Variants in YIPF7 observed in about 807,000 individuals in gnomAD.
YIPF7 encodes the protein protein YIPF7.
YIPF7 carries 35 observed loss-of-function variants against 27.2 expected under a neutral mutation model. That is an observed-to-expected ratio of 1.29 (90% CI 0.98 to 1.70). The LOEUF is 1.70. Among genes scored for constraint, YIPF7 ranks in the 40% most tolerant of loss-of-function variants. The pLI is 0.00. For synonymous variants in YIPF7, 137 were observed against 110.4 expected (o/e 1.24, Z -1.51); for missense variants, 358 against 303.7 (o/e 1.18, Z -1.33).
intron 2 of YIPF7, among the ~76,000 whole-genome samples, chr4:44,646,255 GACCTTAT>G (rs1256530393): frequency 6.6e-6 from 1 of 152,206 alleles, no homozygotes; most frequent in East Asian, 1.9e-4. Flanking sequence ...CCCTTGGTAA[GACCTTAT>G]CAAATAGGAT....
At position 44,622,237 on chromosome 4, in the gene YIPF7, C is replaced by T. The variant is rs1712466333; in HGVS notation, c.*177G>A. 4.0e-6 allele frequency: 3 copies of T among 750,388 alleles called. No homozygotes were observed. 46.5% of individuals were successfully genotyped at this position (750,388 alleles called of 1,614,324 possible). On this transcript the variant is annotated 3_prime_UTR_variant, in exon 6 of 6. Coordinates refer to ENST00000415895, the MANE Select transcript of YIPF7 (RefSeq NM_182592.3). The stretch of plus-strand genomic sequence containing the variant: ...TAATGCACCAAACTCAAAAGCAAAA[C>T]ATCATTCAAACCAACAGGCTATTAG...
chr4:44,629,330 T>A (rs1577733444), intron 4 of YIPF7, 73 bp downstream of exon 4: 24 of 1,389,086 alleles, frequency 1.7e-5, no homozygotes, highest in African/African-American at 1.2e-4. Flanking sequence ...TCTCTTATAT[T>A]TATACAGATT....
At chr4:44,653,255 C>A (rs1326890267), upstream of YIPF7, among the ~76,000 whole-genome samples, 1 of 151,950 alleles carries the variant, frequency 6.6e-6, no homozygotes, top group Non-Finnish European at 1.5e-5. Context: ...CAAAAAGGAG[C>A]CTGTAGGCCG....
chr4:44,637,286 T>C (rs567783164), intron 2 of YIPF7, among the ~76,000 whole-genome samples: 26 of 152,308 alleles, frequency 1.7e-4, no homozygotes, highest in African/African-American at 6.3e-4. Flanking sequence ...CTTGATAAAA[T>C]AGTCATTCTA....
At chr4:44,628,143 AAGAC>A (rs1712739792) in intron 4 of YIPF7, among the ~76,000 whole-genome samples, 1 of 152,148 alleles carries the variant, frequency 6.6e-6, no homozygotes. Flanking sequence ...TACTGTGACA[AAGAC>A]AGAAGAAGGG....
At chr4:44,660,450 T>A (rs933833013) in exon 2 of YIPF7, 1 of 152,074 alleles carries the variant, frequency 6.6e-6, no homozygotes, top group Non-Finnish European at 1.5e-5. Flanking sequence ...AATAAGTACC[T>A]GAGATTGTGA....
intron 2 of YIPF7, among the ~76,000 whole-genome samples, chr4:44,638,310 A>C (rs1713209097): frequency 6.6e-6 from 1 of 150,758 alleles, no homozygotes; most frequent in African/African-American, 2.4e-5. Context: ...GAGCTGGACT[A>C]GGCAAGCTTG....
In YIPF7 at chr4:44,635,906, C is replaced by A. The variant is rs1484076263; in HGVS notation, c.280+16G>T. The A allele has an allele frequency of 1.2e-6, 2 of 1,612,788 alleles. No homozygotes were observed. Among genetic ancestry groups the A allele is most frequent in the Non-Finnish European group, 1.7e-6 (2 of 1,179,292 alleles). ...CTTCTAGCTGTACACACATTAATAA[C>A]ACTTCCTTAACTTATCTTCTAGCAA... On this transcript the variant is annotated intron_variant, in intron 3 of 5. Transcript: ENST00000415895.
chr4:44,661,901 G>A lies in YIPF7; in HGVS notation c.-171-1283C>T, dbSNP rs1714049258. On this transcript the variant is annotated intron_variant, in intron 1 of 2. Transcript: ENST00000508947. Reference sequence around the variant, plus strand: ...TGGTTTTTATCTGTCACCATCTCTAGCCAGCAGATAGAGTTCTTGGTTCAA... The same window carrying A: ...TGGTTTTTATCTGTCACCATCTCTAACCAGCAGATAGAGTTCTTGGTTCAA... 3.9e-5 allele frequency among the ~76,000 whole-genome samples: 6 copies of A among 152,324 alleles called. No homozygotes were observed. The South Asian group carries it at 1.0e-3, about 26-fold the overall frequency.
chr4:44,659,245 G>A (rs1038572324), intron 2 of YIPF7, among the ~76,000 whole-genome samples: 1 of 151,540 alleles, frequency 6.6e-6, no homozygotes, highest in East Asian at 1.9e-4. Context: ...ACTTAAGCTT[G>A]CCCTTACAAT....
intron 2 of YIPF7, among the ~76,000 whole-genome samples, chr4:44,642,848 T>C (rs181571532): frequency 7.9e-4 from 121 of 152,342 alleles, no homozygotes; most frequent in African/African-American, 2.9e-3. Context: ...GCTGTCGCCA[T>C]GCTTCCTGTT....
chr4:44,630,713 G>A (rs181500815), intron 3 of YIPF7, among the ~76,000 whole-genome samples: 45 of 152,124 alleles, frequency 3.0e-4, no homozygotes, highest in African/African-American at 9.9e-4. Flanking sequence ...TGCCTCATAG[G>A]TCCTTCTGCT....
chr4:44,624,494 C>T, intron 5 of YIPF7, 107 bp downstream of exon 5: 2 of 1,274,976 alleles, frequency 1.6e-6, no homozygotes, highest in Non-Finnish European at 2.1e-6. Context: ...ATGGTTTTCC[C>T]AGTTCCACTA....
chr4:44,662,022 A>T (rs529853601), intron 1 of YIPF7, among the ~76,000 whole-genome samples: 1 of 152,242 alleles, frequency 6.6e-6, no homozygotes, highest in East Asian at 1.9e-4. Flanking sequence ...CTTCCTTCTG[A>T]TGAACATGTG....
At chr4:44,640,327 T>C (rs1713283282) in intron 2 of YIPF7, among the ~76,000 whole-genome samples, 2 of 152,244 alleles carry the variant, frequency 1.3e-5, no homozygotes, top group South Asian at 4.1e-4. Flanking sequence ...GGCCTTTTCT[T>C]TGTTGACAGA....
At chr4:44,633,780 C>A (rs987009598) in intron 3 of YIPF7, among the ~76,000 whole-genome samples, 1 of 151,770 alleles carries the variant, frequency 6.6e-6, no homozygotes. Context: ...TATATAAAAT[C>A]CCTAAAAAAT....
intron 4 of YIPF7, among the ~76,000 whole-genome samples, chr4:44,628,829 A>G (rs985960805): frequency 6.6e-6 from 1 of 152,318 alleles, no homozygotes; most frequent in South Asian, 2.1e-4. Context: ...GAAGTCAGGG[A>G]ACAAATGTCT....
intron 2 of YIPF7, among the ~76,000 whole-genome samples, chr4:44,638,625 T>C (rs923782161): frequency 6.6e-6 from 1 of 152,192 alleles, no homozygotes; most frequent in Non-Finnish European, 1.5e-5. Flanking sequence ...ATTCTCCAAA[T>C]ATTTTCTCCC....
At chr4:44,628,366 T>G (rs775187289) in intron 4 of YIPF7, among the ~76,000 whole-genome samples, 29 of 149,864 alleles carry the variant, frequency 1.9e-4, no homozygotes, top group South Asian at 4.2e-4. Context: ...AGAATTTTAT[T>G]TAGTTGCAAA....
Sources: gnomAD v4.1 joint callset for allele counts (sites outside exome capture counted in the v4.1 genomes callset) on GRCh38, gnomAD v4.1.1 for gene constraint, MANE v1.5 for transcripts, NCBI Gene and HGNC (gene_info 2026-07-23, HGNC 2026-07-21) for gene names.